The following RHOT2 variants were observed in gnomAD, a reference collection of about 807,000 sequenced individuals.
RHOT2 encodes the protein ras homolog family member T2.
RHOT2 carries 90 observed loss-of-function variants against 81.6 expected under a neutral mutation model. The ratio of observed to expected loss-of-function variants is 1.10; its 90% CI spans 0.93 to 1.31. The LOEUF is 1.31. Among genes scored for constraint, RHOT2 ranks in the 40% most tolerant of loss-of-function variants. The pLI is 0.00. For missense variants in RHOT2, 1,014 were observed against 841.9 expected (o/e 1.20, Z -2.53); for synonymous variants, 512 against 370.9 (o/e 1.38, Z -4.37).
Position 671,011 on chromosome 16 carries a change from G to A in RHOT2, c.748+11G>A. On this transcript the variant is annotated intron_variant, in intron 10 of 18. Transcript: ENST00000315082. ...GGCTGACCCTGGATGGTGAGGCCGG[G>A]TGCCCGCCTGTGCCTGGGGAGTGTG... is the stretch of plus-strand genomic sequence containing the variant. 1.3e-6 allele frequency: 2 copies of A among 1,598,958 alleles called. No homozygotes were observed. The highest frequency in any genetic ancestry group is 1.7e-6 in the Non-Finnish European group (2 of 1,174,524).
At chr16:669,453 T>C in intron 4 of RHOT2, 100 bp from the exon 5 acceptor site, 3 of 1,221,434 alleles carry the variant, frequency 2.5e-6, no homozygotes, top group Non-Finnish European at 3.5e-6. Context: ...ACCTGTGAGC[T>C]TCTGGGGCCT....
rs2038277519 is a variant in RHOT2, at chr16:668,390, G to A, written c.75G>A (p.Val25=). 1 of 1,466,128 alleles carries A rather than the reference G, an allele frequency of 6.8e-7. No individual in the cohort carries two copies. Among genetic ancestry groups the A allele is most frequent in the Admixed American group, 2.5e-5 (1 of 39,650 alleles). The allele number at this position is 1,466,128 out of a possible 1,614,324, so 90.8% of individuals were successfully genotyped here. A position where few individuals can be genotyped will look rare whatever the true frequency, so the allele number is the denominator to read the frequency against. ...AGACGTCGCTGATCCTGTCCCTGGT[G>A]GGCGAGGAGTTCCCCGAGGAGGTAA... ...VGKTSLILSL[V]GEEFPEEVPP... Residue 25 remains valine (V), a synonymous_variant, in exon 2 of 19, where the codon GTG becomes GTA. Transcript: ENST00000315082.
chr16:670,500 C>T lies in RHOT2; in HGVS notation c.483C>T (p.Tyr161=), dbSNP rs762053029. ...NLRNISELFY[Y]AQKAVLHPTA... ...GGAACATCTCAGAGCTGTTCTACTA[C>T]GCCCAGAAGGCCGTCCTGCATCCCA... The change falls in exon 8 of 19, where the codon TAC becomes TAT. Residue 161 remains tyrosine (Y), a synonymous_variant. Transcript: ENST00000315082. The T allele has an allele frequency of 3.5e-5, 57 of 1,608,372 alleles. 1 individual carries two copies. The highest frequency in any genetic ancestry group is 1.1e-4 in the South Asian group (10 of 90,460).
At position 671,898 on chromosome 16, in the gene RHOT2, C is replaced by A. The variant is rs750706700; in HGVS notation, c.993C>A (p.Ser331Arg). 3 of 1,607,784 alleles carry A rather than the reference C, an allele frequency of 1.9e-6. No homozygotes were observed. Among genetic ancestry groups the A allele is most frequent in the South Asian group, 2.2e-5 (2 of 90,918 alleles). ...CCCTCTCGCCCGTGGAGCTGCAAAG[C>A]CTTTTCAGTGTGTTCCCAGCAGCGC... is the stretch of plus-strand genomic sequence containing the variant. ...DGALSPVELQ[S>R]LFSVFPAAPW... Residue 331 changes from serine to arginine, a missense_variant, in exon 13 of 19, where the codon AGC becomes AGA. By Grantham distance (110) the Ser-to-Arg change is moderately radical. Transcript: ENST00000315082.
chr16:669,904 C>T (rs1379455498), intron 5 of RHOT2: 1 of 614,868 alleles, frequency 1.6e-6, no homozygotes, highest in South Asian at 2.0e-5. Flanking sequence ...AGGCTTGGGC[C>T]CCAGTGACTT....
At chr16:669,100 C>T in intron 4 of RHOT2, 2 of 387,022 alleles carry the variant, frequency 5.2e-6, no homozygotes, top group Non-Finnish European at 9.4e-6. Context: ...GCCACAGCCA[C>T]CCAGGGCAGC....
Position 672,962 on chromosome 16 carries a change from T to G in RHOT2, c.1562T>G (p.Phe521Cys). 1 of 1,612,728 alleles carries G rather than the reference T, an allele frequency of 6.2e-7. No homozygotes were observed. The highest frequency in any genetic ancestry group is 8.5e-7 in the Non-Finnish European group (1 of 1,179,950). Residue 521 changes from phenylalanine to cysteine, a missense_variant, in exon 18 of 19, where the codon TTT (phenylalanine) becomes TGT (cysteine). Physicochemically the swap from Phe to Cys is radical, Grantham distance 205. Coordinates refer to ENST00000315082, the MANE Select transcript of RHOT2 (RefSeq NM_138769.3). Reference protein sequence around the residue: ...HYMDGQTPCLFVSSKADLPEG... With the variant: ...HYMDGQTPCLCVSSKADLPEG... ...ATGGACGGGCAGACCCCCTGCCTCT[T>G]TGTCTCCTCCAAGGCCGACCTGCCC...
intron 11 of RHOT2, chr16:671,443 C>A (rs904466208): frequency 2.8e-6 from 2 of 704,996 alleles, no homozygotes; most frequent in Admixed American, 3.1e-5. Context: ...CAACCCCGCT[C>A]GCGTGGCTTG....
rs959073116 is a variant in RHOT2, at chr16:673,778, G to C, written c.*172G>C. On this transcript the variant is annotated 3_prime_UTR_variant, in exon 19 of 19. Transcript: ENST00000315082. ...CTGCAGCGGGGCCTTATGCTGCCAT[G>C]CACTGCCCTGGCTCCTGCCGGACCC... The C allele has an allele frequency of 3.6e-6, 3 of 832,396 alleles. No homozygotes were observed. In the African/African-American group the frequency reaches 5.2e-5, roughly 15 times the overall value. The allele number at this position is 832,396 out of a possible 1,614,324, so 51.6% of individuals were successfully genotyped here.
rs1452758361 is a variant in RHOT2, at chr16:674,064, T to G, written c.*458T>G. 4.1e-6 allele frequency: 1 copy of G among 245,018 alleles called. No individual in the cohort carries two copies. Among genetic ancestry groups the G allele is most frequent in the Admixed American group, 5.3e-5 (1 of 18,926 alleles). 15.2% of individuals were successfully genotyped at this position (245,018 alleles called of 1,614,324 possible). A position where few individuals can be genotyped will look rare whatever the true frequency, so the allele number is the denominator to read the frequency against. On this transcript the variant is annotated 3_prime_UTR_variant, in exon 19 of 19. Transcript: ENST00000315082. The stretch of plus-strand genomic sequence containing the variant: ...GTCCCCCCTCAAGTTTGGAGCCGTT[T>G]CCGTGGTTGTAGCAGAGGACCGGAG...
rs370698054 is a variant in RHOT2, at chr16:673,080, C to G, written c.1680C>G (p.Ala560=). 2 of 1,611,608 alleles carry G rather than the reference C, an allele frequency of 1.2e-6. No individual in the cohort carries two copies. The highest frequency in any genetic ancestry group is 2.7e-5 in the African/African-American group (2 of 74,946). Residue 560 remains alanine (A), a synonymous_variant, in exon 18 of 19, where the codon GCC becomes GCG. Transcript: ENST00000315082. ...TGCCGTTCTCCTGTGCTGGCCCAGCCGAGCCCAGCACCACCATCTTCACCC... is the reference window on the plus strand; with the variant it reads ...TGCCGTTCTCCTGTGCTGGCCCAGCGGAGCCCAGCACCACCATCTTCACCC... ...APVPFSCAGP[A]EPSTTIFTQL... is the part of the protein sequence containing the mutation.
rs142941625 is a variant in RHOT2, at chr16:670,310, G to A, written c.391G>A (p.Val131Met). 3.0e-5 allele frequency: 48 copies of A among 1,612,820 alleles called. No individual in the cohort carries two copies. The Admixed American group carries it at 6.2e-4, about 21-fold the overall frequency. ...DLRSGSSMEA[V>M]LPIMSQFPEI... ...GCGGTCGGGGAGCTCCATGGAGGCC[G>A]TGCTCCCCATCATGAGCCAGTTTCC... is the stretch of plus-strand genomic sequence containing the variant. The change falls in exon 7 of 19, where the codon GTG becomes ATG. Residue 131 changes from valine to methionine, a missense_variant. Physicochemically the swap from Val to Met is conservative, Grantham distance 21. Coordinates refer to ENST00000315082, the MANE Select transcript of RHOT2 (RefSeq NM_138769.3).
chr16:673,671 G>A lies in RHOT2; in HGVS notation c.*65G>A, dbSNP rs1596534392. 3.2e-6 allele frequency: 5 copies of A among 1,553,954 alleles called. 1 individual carries two copies. In the East Asian group the frequency reaches 9.0e-5, roughly 28 times the overall value. On this transcript the variant is annotated 3_prime_UTR_variant, in exon 19 of 19. Coordinates refer to ENST00000315082, the MANE Select transcript of RHOT2 (RefSeq NM_138769.3). ...GCCTCGCTGCTGGGGCTCTGCAGGG[G>A]CAGCACAGCTGGGGTGCAGGCCAGG...
rs1274115246 is a variant in RHOT2, at chr16:670,307, GCCGTGC to G, written c.389_394del (p.Ala130_Leu132delinsVal). On this transcript the variant is annotated inframe_deletion, in exon 7 of 19. Transcript: ENST00000315082. The stretch of plus-strand genomic sequence containing the variant: ...CCTGCGGTCGGGGAGCTCCATGGAG[GCCGTGC>G]TCCCCATCATGAGCCAGTTTCCCGA... The G allele has an allele frequency of 6.2e-7, 1 of 1,612,830 alleles. No individual in the cohort carries two copies. The highest frequency in any genetic ancestry group is 1.3e-5 in the African/African-American group (1 of 75,044).
At position 672,746 on chromosome 16, in the gene RHOT2, A is replaced by G; in HGVS notation, c.1448A>G (p.Asp483Gly). The change falls in exon 17 of 19, where the codon GAC (aspartate) becomes GGC (glycine). Residue 483 changes from aspartate to glycine, a missense_variant. Physicochemically the swap from Asp to Gly is moderately conservative, Grantham distance 94. Coordinates refer to ENST00000315082, the MANE Select transcript of RHOT2 (RefSeq NM_138769.3). The part of the protein sequence containing the change: ...GTDGLLATSL[D>G]ATCDVACLMF... ...GATGGTCTGCTGGCCACATCGCTGG[A>G]CGCCACCTGTGACGTTGCCTGCTTG... 1 of 1,612,600 alleles carries G rather than the reference A, an allele frequency of 6.2e-7. No homozygotes were observed.
chr16:669,916 G>A, intron 5 of RHOT2: 2 of 615,526 alleles, frequency 3.2e-6, no homozygotes, highest in Middle Eastern at 4.4e-4. Context: ...CAGTGACTTG[G>A]GGGTGTTTGG....
chr16:673,000 G>T lies in RHOT2; in HGVS notation c.1600G>T (p.Val534Leu). 1 of 1,612,668 alleles carries T rather than the reference G, an allele frequency of 6.2e-7. No individual in the cohort carries two copies. Among genetic ancestry groups the T allele is most frequent in the Non-Finnish European group, 8.5e-7 (1 of 1,179,990 alleles). ...GGCCGACCTGCCCGAAGGTGTCGCG[G>T]TGTCTGGCCCATCACCGGCCGAGTT... Reference protein sequence around the residue: ...SKADLPEGVAVSGPSPAEFCR... With the variant: ...SKADLPEGVALSGPSPAEFCR... Residue 534 changes from valine to leucine, a missense_variant, in exon 18 of 19, where the codon GTG (valine) becomes TTG (leucine). Val to Leu is a conservative substitution (Grantham distance 32, BLOSUM62 1). Coordinates refer to ENST00000315082, the MANE Select transcript of RHOT2 (RefSeq NM_138769.3).
At chr16:668,295 C>G in intron 1 of RHOT2, 58 bp from the exon 2 acceptor site, 15 of 1,306,650 alleles carry the variant, frequency 1.1e-5, no homozygotes, top group Non-Finnish European at 1.4e-5. Context: ...GTGAGGGTCT[C>G]GGGGGTCGGG....
At position 672,067 on chromosome 16, in the gene RHOT2, C is replaced by T; in HGVS notation, c.1098-17C>T. Reference sequence around the variant, plus strand: ...CTCCCCACCATAACACTGTGCCTGCCTCCCGCCCACCCCCAGCCTGGTGAC... The same window carrying T: ...CTCCCCACCATAACACTGTGCCTGCTTCCCGCCCACCCCCAGCCTGGTGAC... On this transcript the variant is annotated splice_polypyrimidine_tract_variant and intron_variant, in intron 13 of 18. Coordinates refer to ENST00000315082, the MANE Select transcript of RHOT2 (RefSeq NM_138769.3). The T allele has an allele frequency of 1.2e-6, 2 of 1,612,456 alleles. No homozygotes were observed. The highest frequency in any genetic ancestry group is 1.3e-5 in the African/African-American group (1 of 75,036).
Sources: allele counts gnomAD v4.1 joint callset, GRCh38; gene constraint gnomAD v4.1.1; transcripts MANE v1.5; gene names NCBI Gene and HGNC (gene_info 2026-07-23, HGNC 2026-07-21).